CHMP7: variants seen among roughly 807,000 people sequenced by gnomAD.
The protein encoded by CHMP7 is CHMP family, member 7.
In CHMP7, 15 loss-of-function variants were observed where a neutral mutation model predicts 53.7. The ratio of observed to expected loss-of-function variants is 0.28; its 90% CI spans 0.19 to 0.43. CHMP7 has a LOEUF of 0.43. CHMP7 is among the 20% of genes least tolerant of loss of function. The probability of loss-of-function intolerance (pLI) is 1.00; values close to 1 mark genes in which losing one functional copy is unlikely to be tolerated. For missense variants in CHMP7, 527 were observed against 569.4 expected, an observed-to-expected ratio of 0.93 and a Z score of 0.76; for synonymous variants, 261 against 228.0, an observed-to-expected ratio of 1.14 and a Z score of -1.30.
chr8:23,251,195 C>G (rs1370846021), intron 3 of CHMP7, among the ~76,000 whole-genome samples: 1 of 152,124 alleles, frequency 6.6e-6, no homozygotes, highest in African/African-American at 2.4e-5. Flanking sequence ...CAAAGAAAGC[C>G]TGCTGTTGAG....
intron 3 of CHMP7, 200 bp from the exon 4 acceptor site, chr8:23,255,047 T>C: frequency 1.6e-6 from 1 of 608,566 alleles, no homozygotes; most frequent in Non-Finnish European, 2.9e-6. Flanking sequence ...CCTCATTTCA[T>C]GTGGAGTCAC....
At chr8:23,256,667 G>T in intron 5 of CHMP7, 74 bp downstream of exon 5, 4 of 1,274,656 alleles carry the variant, frequency 3.1e-6, no homozygotes, top group Non-Finnish European at 4.3e-6. Context: ...GTTAGTATAT[G>T]TGGGCTTTTA....
chr8:23,256,688 G>T (rs1364107770), intron 5 of CHMP7, 95 bp downstream of exon 5: 4 of 759,016 alleles, frequency 5.3e-6, no homozygotes, highest in Non-Finnish European at 7.7e-6. Flanking sequence ...AAAAATAGGT[G>T]GGTTTTTTTT....
At chr8:23,257,534 A>C (rs1473875088) in intron 5 of CHMP7, among the ~76,000 whole-genome samples, 4 of 152,248 alleles carry the variant, frequency 2.6e-5, no homozygotes, top group Admixed American at 2.6e-4. Context: ...GCCGTGGACA[A>C]GACAGGTCCC....
chr8:23,248,095 G>GA, intron 2 of CHMP7: 1 of 456,120 alleles, frequency 2.2e-6, no homozygotes, highest in Non-Finnish European at 4.4e-6. Flanking sequence ...TACAGGCGTT[G>GA]AGCCACTGCA....
chr8:23,251,720 A>G (rs1412001931), intron 3 of CHMP7, among the ~76,000 whole-genome samples: 2 of 152,042 alleles, frequency 1.3e-5, no homozygotes, highest in African/African-American at 4.8e-5. Context: ...CACAGTATGG[A>G]TTTACTCGAT....
chr8:23,255,300 C>G lies in CHMP7; in HGVS notation c.525C>G (p.His175Gln). ...ATCAGAACTCGCCCCTCTCCTCCCACCCCGTGGTGGCCCTGTCAGAGCTCA... is the reference window on the plus strand; with the variant it reads ...ATCAGAACTCGCCCCTCTCCTCCCAGCCCGTGGTGGCCCTGTCAGAGCTCA... ...RLYQNSPLSS[H>Q]PVVALSELST... The change falls in exon 4 of 11, where the codon CAC becomes CAG. Residue 175 changes from histidine to glutamine, a missense_variant. His to Gln is a conservative substitution (Grantham distance 24). Coordinates refer to ENST00000397677, the MANE Select transcript of CHMP7 (RefSeq NM_152272.5). 1 of 1,614,210 alleles carries G rather than the reference C, an allele frequency of 6.2e-7. No homozygotes were observed. Among genetic ancestry groups the G allele is most frequent in the Non-Finnish European group, 8.5e-7 (1 of 1,180,034 alleles).
rs1393998959 is a variant in CHMP7 at position 23,249,189 on chromosome 8, CCTT to C, written c.300-17_300-15del. The C allele has an allele frequency of 1.9e-6, 3 of 1,552,556 alleles. No homozygotes were observed. The highest frequency in any genetic ancestry group is 2.8e-5 in the African/African-American group (2 of 72,574). ...CATTGCATTAAGTGCTACTACACGC[CCTT>C]CTTTTTCTTCCCTGCAGTCGAGGGG... On this transcript the variant is annotated intron_variant, in intron 2 of 10. Coordinates refer to ENST00000397677, the MANE Select transcript of CHMP7 (RefSeq NM_152272.5).
chr8:23,257,740 T>C (rs1458986746), intron 5 of CHMP7, among the ~76,000 whole-genome samples: 2 of 152,198 alleles, frequency 1.3e-5, no homozygotes, highest in African/African-American at 2.4e-5. Context: ...AACAGTTCCT[T>C]CCCTGTCTCC....
intron 3 of CHMP7, among the ~76,000 whole-genome samples, chr8:23,254,185 C>CCTTTTTTTTTTTTT (rs1554528473): frequency 7.4e-6 from 1 of 134,930 alleles, no homozygotes. Flanking sequence ...TTCTGCTCAA[C>CCTTTTTTTTTTTTT]TTTTTTTTTT....
chr8:23,258,091 T>G lies in CHMP7; in HGVS notation c.840+10T>G. The G allele has an allele frequency of 6.2e-7, 1 of 1,610,906 alleles. No individual in the cohort carries two copies. Among genetic ancestry groups the G allele is most frequent in the Non-Finnish European group, 8.5e-7 (1 of 1,177,316 alleles). ...AGGAAAGAAGCAGCTGGTGAGTTCT[T>G]GTCTCCTCCAGACCCATAGCAGTGC... On this transcript the variant is annotated intron_variant, in intron 6 of 10. Transcript: ENST00000397677.
chr8:23,252,350 A>G (rs1429485331), intron 3 of CHMP7: 6 of 151,784 alleles, frequency 4.0e-5, no homozygotes, highest in Admixed American at 3.9e-4. Context: ...ACGCCCGGCT[A>G]ATTTTTTGTA....
chr8:23,246,016 T>TA (rs1455856785), intron 1 of CHMP7: 1 of 152,258 alleles, frequency 6.6e-6, no homozygotes, highest in Non-Finnish European at 1.5e-5. Context: ...TTAGCCAGGC[T>TA]AGAGGTTAAT....
Position 23,260,636 on chromosome 8 carries a change from C to T in CHMP7, c.*37C>T, listed in dbSNP as rs202175640. 4 of 1,513,394 alleles carry T rather than the reference C, an allele frequency of 2.6e-6. No homozygotes were observed. In the East Asian group the frequency reaches 9.0e-5, roughly 34 times the overall value. 93.7% of individuals were successfully genotyped at this position (1,513,394 alleles called of 1,614,324 possible). ...GAAGGACCCTCATGTAAAAGAGAGA[C>T]CAGGCTTGCTGGGTGTGTACATAGT... is the stretch of plus-strand genomic sequence containing the variant. On this transcript the variant is annotated 3_prime_UTR_variant, in exon 11 of 11. Coordinates refer to ENST00000397677, the MANE Select transcript of CHMP7 (RefSeq NM_152272.5).
intron 2 of CHMP7, 57 bp downstream of exon 2, chr8:23,247,051 G>T: frequency 7.0e-7 from 1 of 1,437,750 alleles, no homozygotes; most frequent in South Asian, 1.4e-5. Context: ...CTCTCGGAGG[G>T]CCGGGCCCTG....
intron 3 of CHMP7, among the ~76,000 whole-genome samples, chr8:23,250,751 C>G (rs2128857724): frequency 6.6e-6 from 1 of 152,158 alleles, no homozygotes; most frequent in African/African-American, 2.4e-5. Flanking sequence ...AGGGCCCTTG[C>G]ATAGCCCTAG....
At position 23,258,348 on chromosome 8, in the gene CHMP7, G is replaced by A; in HGVS notation, c.859G>A (p.Ala287Thr). 1.9e-6 allele frequency: 3 copies of A among 1,614,182 alleles called. No homozygotes were observed. The highest frequency in any genetic ancestry group is 2.5e-6 in the Non-Finnish European group (3 of 1,180,042). The change falls in exon 7 of 11, where the codon GCC (alanine) becomes ACC (threonine). Residue 287 changes from alanine to threonine, a missense_variant. Ala to Thr is a moderately conservative substitution (Grantham distance 58). Transcript: ENST00000397677. Reference sequence around the variant, plus strand: ...CCTCCAGGCACTGAGGTCTCTCAAGGCCAAGCAACGGACAGAGAAGCGCAT... The same window carrying A: ...CCTCCAGGCACTGAGGTCTCTCAAGACCAAGCAACGGACAGAGAAGCGCAT... ...KKQLALRSLK[A>T]KQRTEKRIEA...
Position 23,246,358 on chromosome 8 carries a change from A to G in CHMP7, c.-338A>G, listed in dbSNP as rs917791564. 19 of 336,736 alleles carry G rather than the reference A, an allele frequency of 5.6e-5. No homozygotes were observed. Among genetic ancestry groups the G allele is most frequent in the African/African-American group, 2.8e-4 (13 of 46,268 alleles). The allele number at this position is 336,736 out of a possible 1,614,324, so 20.9% of individuals were successfully genotyped here. A position where few individuals can be genotyped will look rare whatever the true frequency, so the allele number is the denominator to read the frequency against. ...GCCACAGGTCAGAAGCCGCTGTACA[A>G]CGCTTTGCCGAACTCCAGAATCTTG... On this transcript the variant is annotated 5_prime_UTR_variant, in exon 2 of 11. Transcript: ENST00000397677.
chr8:23,257,355 C>A (rs956582269), intron 5 of CHMP7, among the ~76,000 whole-genome samples: 2 of 152,296 alleles, frequency 1.3e-5, no homozygotes, highest in East Asian at 3.9e-4. Flanking sequence ...CTCAGCCTCC[C>A]AAAGTGCTGG....
Sources: allele counts gnomAD v4.1 joint callset (sites outside exome capture counted in the v4.1 genomes callset), GRCh38; gene constraint gnomAD v4.1.1; transcripts MANE v1.5; gene names NCBI Gene and HGNC (gene_info 2026-07-23, HGNC 2026-07-21).